The following DGKI variants were observed in gnomAD, a reference collection of about 807,000 sequenced individuals.
DGKI encodes the protein diacylglycerol kinase iota, also known as DAG kinase iota.
Under a neutral mutation model 147.5 loss-of-function variants are expected in DGKI, and 55 were observed. That is an observed-to-expected ratio of 0.37 (90% CI 0.30 to 0.47). The LOEUF (loss-of-function observed/expected upper bound fraction) is 0.47. Among genes scored for constraint, DGKI ranks in the 20% least tolerant of loss-of-function variants. The probability of loss-of-function intolerance (pLI) is 1.00; values close to 1 mark genes in which losing one functional copy is unlikely to be tolerated. For synonymous variants in DGKI, 469 were observed against 477.1 expected, an observed-to-expected ratio of 0.98 and a Z score of 0.22; for missense variants, 1,007 against 1,323.8, an observed-to-expected ratio of 0.76 and a Z score of 3.71.
intron 27 of DGKI, among the ~76,000 whole-genome samples, chr7:137,455,272 T>C (rs1814146077): frequency 1.3e-5 from 2 of 152,206 alleles, no homozygotes; most frequent in South Asian, 4.1e-4. Flanking sequence ...CTCCTGACTC[T>C]AATGTGTCTA....
chr7:137,591,684 T>A (rs528561600), intron 12 of DGKI, among the ~76,000 whole-genome samples: 122 of 152,330 alleles, frequency 8.0e-4, no homozygotes, highest in African/African-American at 2.9e-3. Flanking sequence ...AATGCCTGAC[T>A]TTTAGAGTTG....
Position 137,385,274 on chromosome 7 carries a change from G to A in DGKI, c.*5946C>T, listed in dbSNP as rs139250776. On this transcript the variant is annotated 3_prime_UTR_variant, in exon 33 of 33. Coordinates refer to ENST00000614521, the MANE Select transcript of DGKI (RefSeq NM_001321708.2). The stretch of plus-strand genomic sequence containing the variant: ...TAAAATTTTTTAAATGATAACTAAC[G>A]GCCATTCCCCTAGATATTTTTAAAA... 2.0e-5 allele frequency: 3 copies of A among 151,662 alleles called. No individual in the cohort carries two copies. Among genetic ancestry groups the A allele is most frequent in the South Asian group, 4.2e-4 (2 of 4,804 alleles). The allele number at this position is 151,662 out of a possible 1,614,324, so 9.4% of individuals were successfully genotyped here.
chr7:137,656,458 G>A lies in DGKI; in HGVS notation c.681+8C>T, dbSNP rs201369994. ...GTAACAAAACTGCAGCAGGGGGCGC[G>A]CTCTTACCTTTTCTAGCTGCTCAAT... On this transcript the variant is annotated splice_region_variant and intron_variant, in intron 4 of 32. Transcript: ENST00000614521. 41 of 1,613,624 alleles carry A rather than the reference G, an allele frequency of 2.5e-5. No homozygotes were observed. Among genetic ancestry groups the A allele is most frequent in the Non-Finnish European group, 3.1e-5 (36 of 1,179,770 alleles).
At chr7:137,617,077 TATCCTC>T (rs1039347623) in intron 8 of DGKI, among the ~76,000 whole-genome samples, 1 of 135,492 alleles carries the variant, frequency 7.4e-6, no homozygotes, top group Non-Finnish European at 1.5e-5. Flanking sequence ...AAATGGCTGA[TATCCTC>T]TTCCTGTGAT....
At position 137,585,296 on chromosome 7, in the gene DGKI, C is replaced by T. The variant is rs1252912791; in HGVS notation, c.1476G>A (p.Gly492=). 6.2e-7 allele frequency: 1 copy of T among 1,614,030 alleles called. No homozygotes were observed. Among genetic ancestry groups the T allele is most frequent in the African/African-American group, 1.3e-5 (1 of 74,914 alleles). ...VSKILCQVED[G]TVVQLDRWNL... is the part of the protein sequence containing the mutation. ...TCCAGCGATCTAGCTGTACAACTGT[C>T]CCATCTTCCACTTGACACAGGATCT... The change falls in exon 14 of 33, where the codon GGG becomes GGA. Residue 492 remains glycine (G), a synonymous_variant. Transcript: ENST00000614521.
intron 1 of DGKI, among the ~76,000 whole-genome samples, chr7:137,715,354 T>C (rs778297347): frequency 2.6e-5 from 4 of 152,226 alleles, no homozygotes; most frequent in Non-Finnish European, 4.4e-5. Flanking sequence ...TTAGAAGCTC[T>C]GAAGCCTAGA....
At chr7:137,559,520 C>G (rs1170850861) in intron 19 of DGKI, among the ~76,000 whole-genome samples, 1 of 151,960 alleles carries the variant, frequency 6.6e-6, no homozygotes, top group African/African-American at 2.4e-5. Context: ...ATTTGAAAAA[C>G]CTCCCTTCTG....
In DGKI at chr7:137,587,150, C is replaced by T. The variant is rs777690417; in HGVS notation, c.1372G>A (p.Val458Ile). The T allele has an allele frequency of 3.5e-5, 56 of 1,612,648 alleles. No homozygotes were observed. The highest frequency in any genetic ancestry group is 4.7e-5 in the Non-Finnish European group (55 of 1,179,522). ...TCATTCCCAGTCCCCAGAGGAAGGA[C>T]CCCCACAGGAGGCTGAGGGCTCAGC... ...LQLSPQPPVG[V>I]LPLGTGNDLA... The change falls in exon 13 of 33, where the codon GTC becomes ATC. Residue 458 changes from valine to isoleucine, a missense_variant. Coordinates refer to ENST00000614521, the MANE Select transcript of DGKI (RefSeq NM_001321708.2).
At chr7:137,475,578 G>T (rs1815142423) in intron 23 of DGKI, among the ~76,000 whole-genome samples, 1 of 152,110 alleles carries the variant, frequency 6.6e-6, no homozygotes, top group Non-Finnish European at 1.5e-5. Context: ...TTTTTCCTGT[G>T]ATACAACTGT....
intron 1 of DGKI, among the ~76,000 whole-genome samples, chr7:137,761,056 T>C (rs1477080213): frequency 6.6e-6 from 1 of 152,180 alleles, no homozygotes; most frequent in East Asian, 1.9e-4. Context: ...ACGACATCCC[T>C]AGTTGGCCCG....
chr7:137,764,380 C>T (rs903586267), intron 1 of DGKI, among the ~76,000 whole-genome samples: 1 of 152,172 alleles, frequency 6.6e-6, no homozygotes, highest in African/African-American at 2.4e-5. Context: ...GCCAAATATA[C>T]ACATCTAAAA....
At chr7:137,811,434 T>G (rs1797577296) in intron 1 of DGKI, among the ~76,000 whole-genome samples, 1 of 141,580 alleles carries the variant, frequency 7.1e-6, no homozygotes, top group Admixed American at 7.2e-5. Flanking sequence ...TACTCACAGC[T>G]CACAAAAGTC....
chr7:137,403,849 TA>T (rs1480003669), intron 30 of DGKI, among the ~76,000 whole-genome samples: 4 of 152,174 alleles, frequency 2.6e-5, no homozygotes, highest in Non-Finnish European at 5.9e-5. Flanking sequence ...TTTTATTTGT[TA>T]TTTTTTTTTT....
intron 6 of DGKI, among the ~76,000 whole-genome samples, chr7:137,624,589 G>T (rs1010969114): frequency 6.6e-6 from 1 of 151,722 alleles, no homozygotes; most frequent in African/African-American, 2.4e-5. Flanking sequence ...TCCTCCTTTT[G>T]AACCTCTCTC....
At chr7:137,816,632 G>T (rs1797744226) in intron 1 of DGKI, among the ~76,000 whole-genome samples, 1 of 152,116 alleles carries the variant, frequency 6.6e-6, no homozygotes, top group Non-Finnish European at 1.5e-5. Context: ...TTTTAAAAGA[G>T]GAGAGACAGA....
intron 12 of DGKI, 54 bp downstream of exon 12, chr7:137,597,793 A>AG: frequency 6.4e-7 from 1 of 1,550,838 alleles, no homozygotes; most frequent in Non-Finnish European, 8.9e-7. Context: ...GCCACAAGAA[A>AG]ACAATAAGAA....
intron 20 of DGKI, chr7:137,545,966 G>C: frequency 1.4e-6 from 1 of 702,596 alleles, no homozygotes; most frequent in Non-Finnish European, 2.6e-6. Flanking sequence ...ATGAATACTA[G>C]AGGCAGCAGG....
At chr7:137,844,692 T>G (rs1168858463) in intron 1 of DGKI, among the ~76,000 whole-genome samples, 1 of 152,234 alleles carries the variant, frequency 6.6e-6, no homozygotes, top group Non-Finnish European at 1.5e-5. Context: ...CACTTACACG[T>G]GCATGTGTGA....
chr7:137,504,937 A>C (rs998472479), intron 21 of DGKI, among the ~76,000 whole-genome samples: 1 of 152,108 alleles, frequency 6.6e-6, no homozygotes, highest in African/African-American at 2.4e-5. Context: ...GAAAATGAAA[A>C]ATTAGCCACA....
Sources: allele counts gnomAD v4.1 joint callset (sites outside exome capture counted in the v4.1 genomes callset), GRCh38; gene constraint gnomAD v4.1.1; transcripts MANE v1.5; gene names NCBI Gene and HGNC (gene_info 2026-07-23, HGNC 2026-07-21).